The following CD2AP variants were observed in gnomAD, a reference collection of about 807,000 sequenced individuals.
The protein encoded by CD2AP is CD2 associated protein.
Under a neutral mutation model 85.1 loss-of-function variants are expected in CD2AP, and 46 were observed. The observed-to-expected ratio is 0.54, with a 90% CI of 0.43 to 0.69. The LOEUF is 0.69. CD2AP is among the 30% of genes least tolerant of loss of function. CD2AP has a pLI of 0.00. For missense variants in CD2AP, 769 were observed against 729.5 expected (o/e 1.05, Z -0.62); for synonymous variants, 255 against 252.9 (o/e 1.01, Z -0.08).
At chr6:47,531,805 G>T (rs377092196) in intron 2 of CD2AP, among the ~76,000 whole-genome samples, 13 of 152,180 alleles carry the variant, frequency 8.5e-5, no homozygotes, top group East Asian at 3.9e-4. Context: ...GGGCGTGGTG[G>T]CTCACGCTTG....
At chr6:47,583,144 G>A (rs1367997078) in intron 11 of CD2AP, among the ~76,000 whole-genome samples, 1 of 152,108 alleles carries the variant, frequency 6.6e-6, no homozygotes, top group Non-Finnish European at 1.5e-5. Context: ...GCAAAATTGA[G>A]CCAAAAGTAC....
At chr6:47,581,254 G>A (rs1040448288) in intron 10 of CD2AP, among the ~76,000 whole-genome samples, 3 of 152,056 alleles carry the variant, frequency 2.0e-5, no homozygotes, top group African/African-American at 7.2e-5. Context: ...AATAATTTAT[G>A]TACTCTTCTT....
At chr6:47,514,218 T>C (rs78894709) in intron 2 of CD2AP, among the ~76,000 whole-genome samples, 2,381 of 152,302 alleles carry the variant, frequency 0.016, 44 homozygotes, top group African/African-American at 0.038. Context: ...TCTTTTTTTG[T>C]GTTTAGTATG....
intron 1 of CD2AP, among the ~76,000 whole-genome samples, chr6:47,495,653 C>G (rs1765841369): frequency 6.6e-6 from 1 of 152,122 alleles, no homozygotes; most frequent in Non-Finnish European, 1.5e-5. Flanking sequence ...GTAGTTTGCT[C>G]TGTGTCCTCA....
chr6:47,491,111 A>T (rs944516592), intron 1 of CD2AP, among the ~76,000 whole-genome samples: 1 of 152,104 alleles, frequency 6.6e-6, no homozygotes, highest in Non-Finnish European at 1.5e-5. Flanking sequence ...ACATTAAGCA[A>T]TGCTAATCAG....
chr6:47,506,240 T>G (rs1582489042), intron 2 of CD2AP, among the ~76,000 whole-genome samples: 1 of 42,104 alleles, frequency 2.4e-5, no homozygotes, highest in East Asian at 4.4e-4. Context: ...TTCCTAGATG[T>G]GATGGCGGCT....
At chr6:47,494,652 G>T (rs994271938) in intron 1 of CD2AP, among the ~76,000 whole-genome samples, 4 of 152,242 alleles carry the variant, frequency 2.6e-5, no homozygotes, top group African/African-American at 9.6e-5. Flanking sequence ...TTTACTGTGA[G>T]AATCTGGCAG....
chr6:47,543,068 T>A (rs1204265992), intron 3 of CD2AP, among the ~76,000 whole-genome samples: 1 of 142,796 alleles, frequency 7.0e-6, no homozygotes, highest in Non-Finnish European at 1.5e-5. Context: ...GGAGAATCGC[T>A]TGAACTCGGG....
intron 2 of CD2AP, among the ~76,000 whole-genome samples, chr6:47,526,478 C>T (rs1307956412): frequency 6.6e-6 from 1 of 151,988 alleles, no homozygotes; most frequent in Non-Finnish European, 1.5e-5. Flanking sequence ...AAGTTGCTTT[C>T]CCCCTTTTAT....
At chr6:47,610,949 T>TTATATGTATATATATATA (rs1440078108) in intron 16 of CD2AP, among the ~76,000 whole-genome samples, 1 of 114,244 alleles carries the variant, frequency 8.8e-6, no homozygotes, top group African/African-American at 3.7e-5. Context: ...TATTTCTGAT[T>TTATATGTATATATATATA]TATATATATA....
chr6:47,600,522 A>G (rs1380137052), intron 13 of CD2AP, among the ~76,000 whole-genome samples: 1 of 151,838 alleles, frequency 6.6e-6, no homozygotes, highest in Non-Finnish European at 1.5e-5. Flanking sequence ...TTTTTATTTG[A>G]ACATCTTATA....
chr6:47,575,922 C>CAGAT (rs1768295057), intron 6 of CD2AP, among the ~76,000 whole-genome samples: 1 of 152,094 alleles, frequency 6.6e-6, no homozygotes, highest in Non-Finnish European at 1.5e-5. Flanking sequence ...TTACTATGGA[C>CAGAT]AGATGACTTA....
At chr6:47,558,278 A>G (rs1039720951) in intron 5 of CD2AP, among the ~76,000 whole-genome samples, 1 of 152,150 alleles carries the variant, frequency 6.6e-6, no homozygotes, top group Non-Finnish European at 1.5e-5. Context: ...GCAAACAGAG[A>G]TAATTTTACT....
rs747597366 is a variant in CD2AP at position 47,599,347 on chromosome 6, C to A, written c.1321C>A (p.Pro441Thr). Residue 441 changes from proline (P) to threonine (T), a missense_variant, in exon 13 of 18, where the codon CCA becomes ACA. Coordinates refer to ENST00000359314, the MANE Select transcript of CD2AP (RefSeq NM_012120.3). The stretch of plus-strand genomic sequence containing the variant: ...CATTTCATCAAAATTTGAAACTGAG[C>A]CAGTATCAAAACTAAAGCTAGATTC... ...SSISSKFETE[P>T]VSKLKLDSEQ... 6.2e-6 allele frequency: 10 copies of A among 1,610,432 alleles called. No individual in the cohort carries two copies. Among genetic ancestry groups the A allele is most frequent in the Non-Finnish European group, 7.6e-6 (9 of 1,177,492 alleles).
At chr6:47,598,942 A>G (rs1293581608) in intron 12 of CD2AP, among the ~76,000 whole-genome samples, 7 of 150,756 alleles carry the variant, frequency 4.6e-5, no homozygotes, top group African/African-American at 9.7e-5. Flanking sequence ...ATTTAAAAAA[A>G]AATACAGGAG....
intron 11 of CD2AP, among the ~76,000 whole-genome samples, chr6:47,595,075 A>C (rs970214736): frequency 2.0e-5 from 3 of 151,982 alleles, no homozygotes; most frequent in Non-Finnish European, 4.4e-5. Context: ...TGACTATCTC[A>C]TGTATGCATG....
chr6:47,582,159 T>G, intron 11 of CD2AP, 94 bp downstream of exon 11: 1 of 799,516 alleles, frequency 1.3e-6, no homozygotes, highest in Non-Finnish European at 2.2e-6. Flanking sequence ...TTTACACTGA[T>G]TTTTAACAGG....
chr6:47,544,034 C>T (rs897030519), intron 3 of CD2AP, among the ~76,000 whole-genome samples: 6 of 151,894 alleles, frequency 4.0e-5, no homozygotes, highest in Non-Finnish European at 5.9e-5. Flanking sequence ...AACACAAGCG[C>T]GAATGGTTAT....
chr6:47,530,805 A>G (rs1280578007), intron 2 of CD2AP, among the ~76,000 whole-genome samples: 2 of 152,220 alleles, frequency 1.3e-5, no homozygotes, highest in African/African-American at 4.8e-5. Context: ...TAGTACAAAT[A>G]TAAATTTACT....
Sources: allele counts gnomAD v4.1 joint callset (sites outside exome capture counted in the v4.1 genomes callset), GRCh38; gene constraint gnomAD v4.1.1; transcripts MANE v1.5; gene names NCBI Gene and HGNC (gene_info 2026-07-23, HGNC 2026-07-21).